GABRG3: variants seen among roughly 807,000 people sequenced by gnomAD.
GABRG3 encodes the protein gamma-aminobutyric acid type A receptor subunit gamma3, also known as gamma-aminobutyric acid receptor subunit gamma-3.
In GABRG3, 25 loss-of-function variants were observed where a neutral mutation model predicts 48.8. The observed-to-expected ratio is 0.51, with a 90% CI of 0.37 to 0.72. GABRG3 has a LOEUF of 0.72. GABRG3 is among the 30% of genes least tolerant of loss of function. GABRG3 has a pLI of 0.00. For missense variants in GABRG3, 394 were observed against 577.9 expected, an observed-to-expected ratio of 0.68 and a Z score of 3.26; for synonymous variants, 227 against 217.6, an observed-to-expected ratio of 1.04 and a Z score of -0.38.
chr15:27,154,631 TATTG>T (rs1028396589), intron 3 of GABRG3, among the ~76,000 whole-genome samples: 1 of 152,218 alleles, frequency 6.6e-6, no homozygotes, highest in African/African-American at 2.4e-5. Context: ...TGGAAGATTA[TATTG>T]ATTGATTTTT....
chr15:26,998,247 T>C (rs1895376482), intron 2 of GABRG3, among the ~76,000 whole-genome samples: 1 of 152,158 alleles, frequency 6.6e-6, no homozygotes, highest in African/African-American at 2.4e-5. Context: ...TCTTGATTGC[T>C]CTCCATCAAG....
At position 27,509,184 on chromosome 15, in the gene GABRG3, G is replaced by A. The variant is rs148547248; in HGVS notation, c.713-10788G>A. ...TGATTTCTGAAGAGAAGTCTGCTGT[G>A]AATCTTATCCTTTTTGCTCCTCTGG... On this transcript the variant is annotated intron_variant, in intron 6 of 9. Transcript: ENST00000615808. Among the ~76,000 whole-genome samples, 404 of 152,220 alleles carry A rather than the reference G, an allele frequency of 2.7e-3. 2 individuals carry two copies. Among genetic ancestry groups the A allele is most frequent in the African/African-American group, 9.2e-3 (383 of 41,530 alleles).
rs1893329657 is a variant in GABRG3 at position 27,319,017 on chromosome 15, G to A, written c.271-7792G>A. Among the ~76,000 whole-genome samples the A allele has an allele frequency of 1.3e-5, 2 of 152,116 alleles. No homozygotes were observed. The highest frequency in any genetic ancestry group is 2.1e-4 in the South Asian group (1 of 4,826). On this transcript the variant is annotated intron_variant, in intron 3 of 9. Coordinates refer to ENST00000615808, the MANE Select transcript of GABRG3 (RefSeq NM_033223.5). This position sits in a 1 kb window ranked among gnomAD's most constrained non-coding sequence, Gnocchi z 4.4. ...GTACTTGAAATCTGCTAACAATATT[G>A]TATACTTGTAACTGGCTAAGAGGGT...
intron 3 of GABRG3, among the ~76,000 whole-genome samples, chr15:27,141,877 C>T (rs556788123): frequency 2.0e-5 from 3 of 152,158 alleles, no homozygotes; most frequent in Non-Finnish European, 4.4e-5. Context: ...TTGGCCGTTT[C>T]TGCTGTGTGC....
chr15:27,002,109 A>G (rs537562790), intron 2 of GABRG3, among the ~76,000 whole-genome samples: 10 of 152,350 alleles, frequency 6.6e-5, no homozygotes, highest in Admixed American at 5.2e-4. Flanking sequence ...CCTTCTTCCA[A>G]CAACAAATAG....
chr15:27,201,227 G>GC (rs1355044645), intron 3 of GABRG3, among the ~76,000 whole-genome samples: 1 of 151,732 alleles, frequency 6.6e-6, no homozygotes, highest in Non-Finnish European at 1.5e-5. Context: ...ACAGCTTCCC[G>GC]CCCCTCAAGT....
intron 5 of GABRG3, among the ~76,000 whole-genome samples, chr15:27,374,138 C>CTTTTTTTTTTTTTTTTTT (rs201839822): frequency 1.9e-4 from 17 of 91,628 alleles, no homozygotes; most frequent in East Asian, 6.5e-4. Flanking sequence ...TTCTTTTCTT[C>CTTTTTTTTTTTTTTTTTT]TTTTTTTTTT....
In GABRG3 at chr15:27,280,702, G is replaced by GTTT. The variant is rs1363449900; in HGVS notation, c.271-46107_271-46106insTTT. 3.2e-4 allele frequency among the ~76,000 whole-genome samples: 49 copies of GTTT among 152,226 alleles called. No individual in the cohort carries two copies. In the East Asian group the frequency reaches 7.7e-3, roughly 24 times the overall value. On this transcript the variant is annotated intron_variant, in intron 3 of 9. Coordinates refer to ENST00000615808, the MANE Select transcript of GABRG3 (RefSeq NM_033223.5). ...GTTAGGATCAGAAAACAAACTGTAT[G>GTTT]GTTTCAATTCTTTTAAATTTGTTGA... is the stretch of plus-strand genomic sequence containing the variant.
chr15:27,372,531 T>G (rs1895448225), intron 5 of GABRG3, among the ~76,000 whole-genome samples: 1 of 152,154 alleles, frequency 6.6e-6, no homozygotes. Context: ...TACCTGGGAT[T>G]ACAGGCACAT....
intron 5 of GABRG3, among the ~76,000 whole-genome samples, chr15:27,337,717 T>C (rs1894022416): frequency 6.6e-6 from 1 of 152,198 alleles, no homozygotes; most frequent in Admixed American, 6.5e-5. Context: ...TTATACATGC[T>C]CTGCACTCTC....
In GABRG3 at chr15:27,154,175, G is replaced by A. The variant is rs190755964; in HGVS notation, c.270+127354G>A. On this transcript the variant is annotated intron_variant, in intron 3 of 9. Coordinates refer to ENST00000615808, the MANE Select transcript of GABRG3 (RefSeq NM_033223.5). ...TGAGGTCTTTCAGCTGTAAACTAATGTTATTTATTATAGTGGAGCCCTGTT... is the reference window on the plus strand; with the variant it reads ...TGAGGTCTTTCAGCTGTAAACTAATATTATTTATTATAGTGGAGCCCTGTT... 4.3e-3 allele frequency among the ~76,000 whole-genome samples: 650 copies of A among 152,232 alleles called. 3 individuals carry two copies. The highest frequency in any genetic ancestry group is 5.7e-3 in the Non-Finnish European group (389 of 68,004).
At chr15:27,122,217 A>C (rs1270336039) in intron 3 of GABRG3, among the ~76,000 whole-genome samples, 2 of 152,222 alleles carry the variant, frequency 1.3e-5, no homozygotes, top group Non-Finnish European at 2.9e-5. Flanking sequence ...CATGTACCCC[A>C]TAAATATATA....
chr15:27,516,269 TTGTA>T (rs1259758587), intron 6 of GABRG3, among the ~76,000 whole-genome samples: 1 of 152,166 alleles, frequency 6.6e-6, no homozygotes, highest in Non-Finnish European at 1.5e-5. Context: ...AATAAACTAA[TTGTA>T]TGAAGTGTGA....
At chr15:27,267,729 T>A (rs1019111607) in intron 3 of GABRG3, among the ~76,000 whole-genome samples, 2 of 152,202 alleles carry the variant, frequency 1.3e-5, no homozygotes, top group Non-Finnish European at 2.9e-5. Context: ...GAGTTTTTTT[T>A]AACACAAAAA....
At chr15:27,112,168 G>T (rs948829693) in intron 3 of GABRG3, among the ~76,000 whole-genome samples, 1 of 152,114 alleles carries the variant, frequency 6.6e-6, no homozygotes, top group Non-Finnish European at 1.5e-5. Context: ...GGCCCTTGTG[G>T]ATTCTGCTCC....
chr15:27,325,885 G>T (rs540402661), intron 3 of GABRG3, among the ~76,000 whole-genome samples: 4 of 152,164 alleles, frequency 2.6e-5, no homozygotes, highest in Admixed American at 2.6e-4. Flanking sequence ...TTCAGACTCT[G>T]CAAAAGTAAT....
intron 3 of GABRG3, among the ~76,000 whole-genome samples, chr15:27,041,420 A>C (rs1193080077): frequency 6.6e-6 from 1 of 152,152 alleles, no homozygotes; most frequent in Non-Finnish European, 1.5e-5. Flanking sequence ...GAGCTCAAGC[A>C]TCTTCCTGCC....
At chr15:27,348,224 T>A (rs551308672) in intron 5 of GABRG3, among the ~76,000 whole-genome samples, 85 of 151,642 alleles carry the variant, frequency 5.6e-4, no homozygotes, top group Middle Eastern at 3.4e-3. Context: ...GATTGCTGAC[T>A]GAAATTGGTG....
intron 6 of GABRG3, among the ~76,000 whole-genome samples, chr15:27,496,262 A>G (rs757746309): frequency 2.0e-5 from 3 of 150,252 alleles, no homozygotes; most frequent in Non-Finnish European, 4.4e-5. Flanking sequence ...TTACAACAGA[A>G]CAGTGGGCAA....
Sources: gnomAD v4.1 joint callset for allele counts (sites outside exome capture counted in the v4.1 genomes callset) on GRCh38, gnomAD v4.1.1 for gene constraint, Gnocchi (gnomAD v3.1) non-coding constraint, MANE v1.5 for transcripts, NCBI Gene and HGNC (gene_info 2026-07-23, HGNC 2026-07-21) for gene names.